The following CNTNAP2 variants were observed in gnomAD, a reference collection of about 807,000 sequenced individuals.
The protein encoded by CNTNAP2 is contactin associated protein 2, also known as contactin-associated protein-like 2.
In CNTNAP2, 98 loss-of-function variants were observed where a neutral mutation model predicts 155.2. That is an observed-to-expected ratio of 0.63 (90% CI 0.54 to 0.75). CNTNAP2 has a LOEUF of 0.75. CNTNAP2 is among the 30% of genes least tolerant of loss of function. The probability of loss-of-function intolerance (pLI) is 0.00; values close to 1 mark genes in which losing one functional copy is unlikely to be tolerated. For synonymous variants in CNTNAP2, 651 were observed against 631.2 expected (o/e 1.03, Z -0.47); for missense variants, 1,727 against 1,688.1 (o/e 1.02, Z -0.40).
intron 1 of CNTNAP2, among the ~76,000 whole-genome samples, chr7:146,189,336 A>T (rs1798669645): frequency 6.6e-6 from 1 of 152,194 alleles, no homozygotes; most frequent in Non-Finnish European, 1.5e-5. Flanking sequence ...AATGGTGATG[A>T]TGATGTTGAT....
chr7:147,314,120 T>C (rs1027717027), intron 9 of CNTNAP2, among the ~76,000 whole-genome samples: 7 of 152,150 alleles, frequency 4.6e-5, no homozygotes, highest in African/African-American at 1.7e-4. Flanking sequence ...TTTTGTATCC[T>C]GAAACTTTGC....
intron 12 of CNTNAP2, among the ~76,000 whole-genome samples, chr7:147,597,742 A>C (rs926422520): frequency 6.6e-6 from 1 of 152,200 alleles, no homozygotes; most frequent in Non-Finnish European, 1.5e-5. Context: ...CTTAAAAAGC[A>C]CTTGGGGCTG....
chr7:146,774,189 T>C (rs994893502), intron 1 of CNTNAP2, 82 bp from the exon 2 acceptor site: 4 of 973,986 alleles, frequency 4.1e-6, no homozygotes, highest in Non-Finnish European at 6.4e-6. Flanking sequence ...TCAGATTCAA[T>C]GATTTTTTAA....
intron 10 of CNTNAP2, among the ~76,000 whole-genome samples, chr7:147,439,676 G>A (rs531249115): frequency 6.6e-6 from 1 of 151,932 alleles, no homozygotes; most frequent in African/African-American, 2.4e-5. Flanking sequence ...CTGAACGTGG[G>A]GTGTTGAAAT....
chr7:146,127,868 C>T (rs961353246), intron 1 of CNTNAP2, among the ~76,000 whole-genome samples: 2 of 152,228 alleles, frequency 1.3e-5, no homozygotes, highest in African/African-American at 2.4e-5. Flanking sequence ...CCAGCAGATG[C>T]GTTGATATTG....
At chr7:148,248,629 A>AC (rs941671789) in intron 20 of CNTNAP2, among the ~76,000 whole-genome samples, 3 of 151,862 alleles carry the variant, frequency 2.0e-5, no homozygotes, top group Non-Finnish European at 4.4e-5. Context: ...TTATGAATAT[A>AC]CCCCCATGCA....
chr7:148,118,289 G>C lies in CNTNAP2; in HGVS notation c.2554+1G>C. The C allele has an allele frequency of 1.2e-6, 2 of 1,614,112 alleles. No individual in the cohort carries two copies. Among genetic ancestry groups the C allele is most frequent in the Non-Finnish European group, 1.7e-6 (2 of 1,180,006 alleles). On this transcript the variant is annotated splice_donor_variant, in intron 16 of 23. Coordinates refer to ENST00000361727, the MANE Select transcript of CNTNAP2 (RefSeq NM_014141.6). LOFTEE classifies it high-confidence loss of function. Reference sequence around the variant, plus strand: ...GATTTCATCAAGCTGGAGCTGAAGTGTGAGTATAAGTTGCTTGTCAACTCA... The same window carrying C: ...GATTTCATCAAGCTGGAGCTGAAGTCTGAGTATAAGTTGCTTGTCAACTCA...
At chr7:147,225,878 AG>A (rs1803523749) in intron 8 of CNTNAP2, among the ~76,000 whole-genome samples, 3 of 111,576 alleles carry the variant, frequency 2.7e-5, no homozygotes, top group Non-Finnish European at 5.7e-5. Context: ...AAGGAGGGAA[AG>A]AAGGAAGGAA....
chr7:146,534,375 A>G (rs755103348), intron 1 of CNTNAP2, among the ~76,000 whole-genome samples: 2 of 152,098 alleles, frequency 1.3e-5, no homozygotes, highest in Non-Finnish European at 2.9e-5. Context: ...CCTGTCATGA[A>G]AGTGGGTTTG....
intron 13 of CNTNAP2, chr7:147,897,034 A>G (rs752753243): frequency 6.6e-6 from 1 of 152,182 alleles, no homozygotes; most frequent in Non-Finnish European, 1.5e-5. Flanking sequence ...CAATTCAACA[A>G]TGAAACTTCC....
At chr7:146,247,801 A>C (rs1378616780) in intron 1 of CNTNAP2, among the ~76,000 whole-genome samples, 1 of 152,076 alleles carries the variant, frequency 6.6e-6, no homozygotes, top group Non-Finnish European at 1.5e-5. Context: ...AACACAGGCT[A>C]AAGGAGAAGA....
intron 1 of CNTNAP2, among the ~76,000 whole-genome samples, chr7:146,169,524 C>T (rs1798358853): frequency 6.6e-6 from 1 of 152,148 alleles, no homozygotes; most frequent in Admixed American, 6.6e-5. Context: ...GATCTATTCT[C>T]TTAGCAAATT....
At chr7:146,477,262 TCAG>T (rs758959564) in intron 1 of CNTNAP2, among the ~76,000 whole-genome samples, 9 of 152,176 alleles carry the variant, frequency 5.9e-5, no homozygotes, top group Admixed American at 2.0e-4. Flanking sequence ...TAATATTCAT[TCAG>T]ATAGATTATT....
chr7:146,824,234 G>T (rs1023099166), intron 2 of CNTNAP2, among the ~76,000 whole-genome samples: 1 of 152,086 alleles, frequency 6.6e-6, no homozygotes, highest in Non-Finnish European at 1.5e-5. Context: ...TTTTATGGCT[G>T]CATAGTATTC....
chr7:146,893,757 A>C (rs1174505832), intron 3 of CNTNAP2, among the ~76,000 whole-genome samples: 2 of 152,100 alleles, frequency 1.3e-5, no homozygotes, highest in African/African-American at 4.8e-5. Flanking sequence ...CTACCCACTG[A>C]TGTTGCCACC....
chr7:147,471,472 G>A (rs985365615), intron 10 of CNTNAP2, among the ~76,000 whole-genome samples: 1 of 152,194 alleles, frequency 6.6e-6, no homozygotes, highest in African/African-American at 2.4e-5. Flanking sequence ...AATTAGGGAA[G>A]TATTTTAAGT....
chr7:146,420,991 C>T (rs1330826608), intron 1 of CNTNAP2, among the ~76,000 whole-genome samples: 2 of 151,854 alleles, frequency 1.3e-5, no homozygotes, highest in African/African-American at 4.8e-5. Flanking sequence ...CTTTACTATG[C>T]AAAGATTTTC....
intron 1 of CNTNAP2, among the ~76,000 whole-genome samples, chr7:146,642,270 T>C (rs1232638074): frequency 4.0e-5 from 6 of 151,004 alleles, no homozygotes; most frequent in African/African-American, 1.5e-4. Context: ...AACTCATCAT[T>C]TAGCATTAGG....
At chr7:147,378,141 TA>T in intron 9 of CNTNAP2, 1 of 328,828 alleles carries the variant, frequency 3.0e-6, no homozygotes, top group Non-Finnish European at 6.1e-6. Context: ...CTGTATATTG[TA>T]GAATTTATAT....
Sources: gnomAD v4.1 joint callset for allele counts (sites outside exome capture counted in the v4.1 genomes callset) on GRCh38, gnomAD v4.1.1 for gene constraint, MANE v1.5 for transcripts, NCBI Gene and HGNC (gene_info 2026-07-23, HGNC 2026-07-21) for gene names.